SGMS1: variants seen among roughly 807,000 people sequenced by gnomAD.
SGMS1 encodes the protein sphingomyelin synthase 1.
A neutral mutation model predicts 46.2 loss-of-function variants in SGMS1; 13 were observed. That is an observed-to-expected ratio of 0.28 (90% CI 0.18 to 0.45). The LOEUF is 0.45. SGMS1 is among the 20% of genes least tolerant of loss of function. The probability of loss-of-function intolerance (pLI) is 1.00; values close to 1 mark genes in which losing one functional copy is unlikely to be tolerated. For missense variants in SGMS1, 324 were observed against 519.9 expected (o/e 0.62, Z 3.66); for synonymous variants, 203 against 187.8 (o/e 1.08, Z -0.66).
intron 1 of SGMS1, among the ~76,000 whole-genome samples, chr10:50,605,001 AT>A (rs1838682273): frequency 6.6e-6 from 1 of 152,238 alleles, no homozygotes; most frequent in Non-Finnish European, 1.5e-5. Context: ...AGTTAGTCAC[AT>A]TTGATTTTTA....
chr10:50,583,307 T>C (rs1838451916), intron 2 of SGMS1, among the ~76,000 whole-genome samples: 1 of 152,176 alleles, frequency 6.6e-6, no homozygotes, highest in South Asian at 2.1e-4. Context: ...AAAGATACAT[T>C]AATAATAATC....
At chr10:50,561,795 A>G (rs1017253526) in intron 2 of SGMS1, among the ~76,000 whole-genome samples, 6 of 152,144 alleles carry the variant, frequency 3.9e-5, no homozygotes, top group African/African-American at 1.4e-4. Flanking sequence ...AATAACTGAG[A>G]CTGGAAATTA....
rs943259918 is a variant in SGMS1, at chr10:50,306,257, T to A, written c.*885A>T. 6.6e-6 allele frequency: 1 copy of A among 152,556 alleles called. No individual in the cohort carries two copies. The highest frequency in any genetic ancestry group is 1.5e-5 in the Non-Finnish European group (1 of 68,012). The allele number at this position is 152,556 out of a possible 1,614,324, so 9.5% of individuals were successfully genotyped here. A position where few individuals can be genotyped will look rare whatever the true frequency, so the allele number is the denominator to read the frequency against. ...TTAAGTCATTGCAATTTTAAAACCA[T>A]AAGCAGTCTTCTGATTCAATTTAGC... On this transcript the variant is annotated 3_prime_UTR_variant, in exon 11 of 11. Transcript: ENST00000361781.
chr10:50,538,223 C>T (rs7902354), intron 2 of SGMS1, among the ~76,000 whole-genome samples: 45,087 of 151,368 alleles, frequency 0.3, 7,720 homozygotes, highest in East Asian at 0.64. Flanking sequence ...TTTGGGAGGC[C>T]GAGGCAGGCA....
chr10:50,475,934 T>A (rs559242847), intron 3 of SGMS1, among the ~76,000 whole-genome samples: 1 of 151,864 alleles, frequency 6.6e-6, no homozygotes, highest in Admixed American at 6.6e-5. Flanking sequence ...TAGTTCTTTA[T>A]AGCAGTACAA....
chr10:50,417,591 T>A (rs1018193190), intron 6 of SGMS1, among the ~76,000 whole-genome samples: 3 of 152,162 alleles, frequency 2.0e-5, no homozygotes, highest in Non-Finnish European at 4.4e-5. Flanking sequence ...TGGCACTTAG[T>A]ACCAAGCTCA....
chr10:50,358,056 A>G (rs932696532), intron 6 of SGMS1, among the ~76,000 whole-genome samples: 1 of 152,186 alleles, frequency 6.6e-6, no homozygotes, highest in Non-Finnish European at 1.5e-5. Context: ...AAGGTGGGAG[A>G]ATCTCTTGAG....
At position 50,344,083 on chromosome 10, in the gene SGMS1, T is replaced by C; in HGVS notation, c.32A>G (p.Lys11Arg). 1 of 1,612,912 alleles carries C rather than the reference T, an allele frequency of 6.2e-7. No individual in the cohort carries two copies. Among genetic ancestry groups the C allele is most frequent in the Non-Finnish European group, 8.5e-7 (1 of 1,179,418 alleles). Residue 11 changes from lysine (K) to arginine (R), a missense_variant, in exon 7 of 11, where the codon AAG becomes AGG. Lys to Arg is a conservative substitution (Grantham distance 26, BLOSUM62 2). This residue lies in a region of SGMS1 where 150 missense variants were observed against 169.8 expected (regional missense o/e 0.88). Transcript: ENST00000361781. ...ATTCTCCAGCAGCCAGTCTGCCACCTTCTTGGGTGACCAATAAACCACTTC... is the reference window on the plus strand; with the variant it reads ...ATTCTCCAGCAGCCAGTCTGCCACCCTCTTGGGTGACCAATAAACCACTTC... MKEVVYWSPK[K>R]VADWLLENAM...
chr10:50,482,894 G>A (rs1446796835), intron 3 of SGMS1, among the ~76,000 whole-genome samples: 4 of 152,118 alleles, frequency 2.6e-5, no homozygotes, highest in African/African-American at 9.7e-5. Flanking sequence ...GCAGAAAAAG[G>A]CAGGGGTTGC....
intron 2 of SGMS1, among the ~76,000 whole-genome samples, chr10:50,539,683 G>C (rs1415651019): frequency 6.6e-6 from 1 of 152,156 alleles, no homozygotes; most frequent in Non-Finnish European, 1.5e-5. Context: ...TGATCCATGG[G>C]TATGCTTTGT....
intron 5 of SGMS1, among the ~76,000 whole-genome samples, chr10:50,460,452 C>A (rs1232509655): frequency 6.6e-6 from 1 of 152,180 alleles, no homozygotes; most frequent in Admixed American, 6.5e-5. Flanking sequence ...GAAGGACACT[C>A]AAGGGTCTGA....
intron 7 of SGMS1, chr10:50,341,563 G>GTA (rs774762177): frequency 1.2e-4 from 47 of 399,146 alleles, no homozygotes; most frequent in Non-Finnish European, 2.0e-4. Flanking sequence ...AAATGTAGTT[G>GTA]TATATATATA....
At chr10:50,360,475 A>G (rs760657626) in intron 6 of SGMS1, among the ~76,000 whole-genome samples, 21 of 152,200 alleles carry the variant, frequency 1.4e-4, no homozygotes, top group African/African-American at 2.2e-4. Context: ...ACTAATCACT[A>G]TTGTTTTTCC....
At chr10:50,589,155 T>C (rs1838515549) in intron 2 of SGMS1, among the ~76,000 whole-genome samples, 2 of 152,178 alleles carry the variant, frequency 1.3e-5, no homozygotes, top group Admixed American at 1.3e-4. Flanking sequence ...CAGTAATTTC[T>C]CTCTTGGGGT....
chr10:50,606,464 A>G (rs1294540987), intron 1 of SGMS1, among the ~76,000 whole-genome samples: 2 of 152,196 alleles, frequency 1.3e-5, no homozygotes, highest in Non-Finnish European at 2.9e-5. Context: ...TTAAAATGGT[A>G]CATTTTGTGT....
chr10:50,531,839 AT>A (rs1804505179), intron 2 of SGMS1, among the ~76,000 whole-genome samples: 1 of 152,214 alleles, frequency 6.6e-6, no homozygotes, highest in Non-Finnish European at 1.5e-5. Flanking sequence ...AAGCAATAGC[AT>A]GATAAGGTAG....
At chr10:50,518,421 AGTTT>A (rs985998431) in intron 3 of SGMS1, among the ~76,000 whole-genome samples, 18 of 152,112 alleles carry the variant, frequency 1.2e-4, no homozygotes, top group African/African-American at 3.4e-4. Context: ...AAATGTTTTT[AGTTT>A]GTTTGTTTGT....
At chr10:50,327,465 A>G in intron 7 of SGMS1, 143 bp from the exon 8 acceptor site, 1 of 626,290 alleles carries the variant, frequency 1.6e-6, no homozygotes. Flanking sequence ...TATGGCTAAT[A>G]CCAGATTAAG....
intron 3 of SGMS1, among the ~76,000 whole-genome samples, chr10:50,491,232 T>C (rs1212937197): frequency 6.6e-6 from 1 of 152,160 alleles, no homozygotes; most frequent in Non-Finnish European, 1.5e-5. Flanking sequence ...TACGGGCCTA[T>C]AGTCCTAGCT....
Sources: allele counts gnomAD v4.1 joint callset (sites outside exome capture counted in the v4.1 genomes callset), GRCh38; gene constraint gnomAD v4.1.1; regional missense constraint gnomAD v4.1.1; transcripts MANE v1.5; gene names NCBI Gene and HGNC (gene_info 2026-07-23, HGNC 2026-07-21).